The following RANBP9 variants were observed in gnomAD, a reference collection of about 807,000 sequenced individuals.
RANBP9 encodes the protein ran-binding protein 9.
RANBP9 carries 15 observed loss-of-function variants against 84.3 expected under a neutral mutation model. That is an observed-to-expected ratio of 0.18 (90% CI 0.12 to 0.27). The LOEUF (loss-of-function observed/expected upper bound fraction) is 0.27, where lower values mean the gene tolerates loss of function less well. RANBP9 is among the 10% of genes least tolerant of loss of function. RANBP9 has a pLI of 1.00. For synonymous variants in RANBP9, 392 were observed against 349.6 expected (o/e 1.12, Z -1.35); for missense variants, 809 against 912.8 (o/e 0.89, Z 1.46).
chr6:13,689,004 A>AAAAAAAAAAAC (rs374538732), intron 2 of RANBP9, among the ~76,000 whole-genome samples: 1 of 108,996 alleles, frequency 9.2e-6, no homozygotes, highest in Non-Finnish European at 1.8e-5. Flanking sequence ...AAAAAAAAAA[A>AAAAAAAAAAAC]TGCTGGGCAT....
At chr6:13,680,176 G>A (rs1356693315) in intron 2 of RANBP9, among the ~76,000 whole-genome samples, 1 of 151,980 alleles carries the variant, frequency 6.6e-6, no homozygotes, top group Non-Finnish European at 1.5e-5. Context: ...GTTAGTCAAA[G>A]AAGACCCAAC....
At position 13,666,227 on chromosome 6, in the gene RANBP9, G is replaced by A. The variant is rs149463546; in HGVS notation, c.684-7395C>T. ...GAGGGAAGTATACCTACACTGAAAT[G>A]TATCAAAGACTAAGACGGATCAACT... On this transcript the variant is annotated intron_variant, in intron 2 of 13. Transcript: ENST00000011619. Among the ~76,000 whole-genome samples the A allele has an allele frequency of 3.0e-4, 45 of 152,160 alleles. No homozygotes were observed. The East Asian group carries it at 8.3e-3, about 28-fold the overall frequency.
At chr6:13,636,515 T>C (rs1017580765) in intron 10 of RANBP9, among the ~76,000 whole-genome samples, 19 of 152,178 alleles carry the variant, frequency 1.2e-4, no homozygotes, top group African/African-American at 3.1e-4. Context: ...CTTCCTGCTG[T>C]AGGGATAGTA....
intron 2 of RANBP9, among the ~76,000 whole-genome samples, chr6:13,682,003 A>C (rs1240205127): frequency 2.6e-5 from 4 of 152,034 alleles, no homozygotes; most frequent in Non-Finnish European, 1.5e-5. Context: ...CTGGGATTAC[A>C]GGCACGTGCC....
At chr6:13,631,716 A>AC (rs1256195027) in intron 12 of RANBP9, among the ~76,000 whole-genome samples, 1 of 152,226 alleles carries the variant, frequency 6.6e-6, no homozygotes, top group African/African-American at 2.4e-5. Flanking sequence ...AAAGAGCTGT[A>AC]CATCTCTACA....
chr6:13,690,901 C>G (rs1162419838), intron 2 of RANBP9, among the ~76,000 whole-genome samples: 1 of 152,126 alleles, frequency 6.6e-6, no homozygotes, highest in African/African-American at 2.4e-5. Context: ...CATGGTGGCT[C>G]ACGTCTGTAA....
chr6:13,661,499 T>C (rs549200550), intron 2 of RANBP9, among the ~76,000 whole-genome samples: 2 of 145,372 alleles, frequency 1.4e-5, no homozygotes, highest in Non-Finnish European at 3.0e-5. Context: ...GGAAAAAAAA[T>C]GAGAAAAAAA....
chr6:13,642,777 A>G (rs1480212424), intron 6 of RANBP9, among the ~76,000 whole-genome samples, 186 bp from the exon 7 acceptor site: 1 of 152,162 alleles, frequency 6.6e-6, no homozygotes, highest in Non-Finnish European at 1.5e-5. Context: ...TTCATGTACT[A>G]TTTTCGAAAA....
chr6:13,672,840 A>T (rs1380994411), intron 2 of RANBP9, among the ~76,000 whole-genome samples: 1 of 152,198 alleles, frequency 6.6e-6, no homozygotes, highest in Non-Finnish European at 1.5e-5. Flanking sequence ...TTTGACGAGC[A>T]ATCAGCAGAC....
chr6:13,659,522 G>T (rs2127771271), intron 2 of RANBP9, among the ~76,000 whole-genome samples: 1 of 152,150 alleles, frequency 6.6e-6, no homozygotes, highest in East Asian at 1.9e-4. Flanking sequence ...TTTTTCAAGT[G>T]CTTATAAAAC....
intron 5 of RANBP9, among the ~76,000 whole-genome samples, chr6:13,646,349 T>C (rs1392180238): frequency 6.6e-6 from 1 of 152,138 alleles, no homozygotes; most frequent in Admixed American, 6.5e-5. Context: ...GGGGAGGTTC[T>C]GGTGAGCCGA....
intron 1 of RANBP9, among the ~76,000 whole-genome samples, chr6:13,707,915 G>A (rs993626245): frequency 1.3e-5 from 2 of 152,146 alleles, no homozygotes; most frequent in Non-Finnish European, 2.9e-5. Flanking sequence ...AATAAGAGGG[G>A]CTATCCCTGG....
At chr6:13,663,972 CAAG>C (rs1765590494) in intron 2 of RANBP9, among the ~76,000 whole-genome samples, 1 of 151,996 alleles carries the variant, frequency 6.6e-6, no homozygotes, top group Admixed American at 6.6e-5. Flanking sequence ...AACAAAAAAG[CAAG>C]AAGGCCAGTG....
chr6:13,679,207 A>G (rs530861496), intron 2 of RANBP9, among the ~76,000 whole-genome samples: 9 of 152,340 alleles, frequency 5.9e-5, no homozygotes, highest in Non-Finnish European at 1.2e-4. Context: ...AAAGTTCACA[A>G]TAATATACAC....
chr6:13,641,349 T>C lies in RANBP9; in HGVS notation c.1226-42A>G, dbSNP rs775729495. 15 of 1,248,742 alleles carry C rather than the reference T, an allele frequency of 1.2e-5. No homozygotes were observed. In the Admixed American group the frequency reaches 2.7e-4, roughly 22 times the overall value. 77.4% of individuals were successfully genotyped at this position (1,248,742 alleles called of 1,614,324 possible). On this transcript the variant is annotated intron_variant, in intron 7 of 13. Coordinates refer to ENST00000011619, the MANE Select transcript of RANBP9 (RefSeq NM_005493.3). ...AGCAAACGATTAACTTTTACAAAAG[T>C]AGATAAAACATAAACTTAGTGACCT...
chr6:13,686,342 G>T (rs991364193), intron 2 of RANBP9, among the ~76,000 whole-genome samples: 2 of 151,648 alleles, frequency 1.3e-5, no homozygotes, highest in African/African-American at 4.9e-5. Context: ...CTGGAGTGCA[G>T]CGGCGCGATC....
At chr6:13,638,764 CAGAGAG>C (rs1185536035) in intron 9 of RANBP9, among the ~76,000 whole-genome samples, 1 of 151,488 alleles carries the variant, frequency 6.6e-6, no homozygotes, top group Non-Finnish European at 1.5e-5. Context: ...CCCAAAGTCA[CAGAGAG>C]TAAGACTGGT....
intron 1 of RANBP9, among the ~76,000 whole-genome samples, chr6:13,706,472 A>G (rs1758124708): frequency 6.6e-6 from 1 of 152,246 alleles, no homozygotes. Context: ...AGGCGGGCAG[A>G]TCACGAGGTC....
chr6:13,691,635 A>G lies in RANBP9; in HGVS notation c.683+5150T>C, dbSNP rs1453741855. 2.0e-5 allele frequency among the ~76,000 whole-genome samples: 3 copies of G among 152,270 alleles called. No homozygotes were observed. The East Asian group carries it at 5.8e-4, about 29-fold the overall frequency. On this transcript the variant is annotated intron_variant, in intron 2 of 13. Coordinates refer to ENST00000011619, the MANE Select transcript of RANBP9 (RefSeq NM_005493.3). ...AGATCTGGGATAAACACTGTTTAAA[A>G]GAAAACTCAGTGTTTTTTTTTTGTT...
Sources: allele counts gnomAD v4.1 joint callset (sites outside exome capture counted in the v4.1 genomes callset), GRCh38; gene constraint gnomAD v4.1.1; transcripts MANE v1.5; gene names NCBI Gene and HGNC (gene_info 2026-07-23, HGNC 2026-07-21).